The following CARMIL1 variants were observed in gnomAD, a reference collection of about 807,000 sequenced individuals.
The protein encoded by CARMIL1 is capping protein regulator and myosin 1 linker 1.
In CARMIL1, 90 loss-of-function variants were observed where a neutral mutation model predicts 177.1. The observed-to-expected ratio is 0.51, with a 90% CI of 0.43 to 0.61. The LOEUF (loss-of-function observed/expected upper bound fraction) is 0.61. Ranked by LOEUF, CARMIL1 falls within the 20% of genes least tolerant of loss-of-function variation. The pLI, the probability that CARMIL1 is intolerant of heterozygous loss-of-function variation, is 0.00. For missense variants in CARMIL1, 1,380 were observed against 1,667.0 expected, an observed-to-expected ratio of 0.83 and a Z score of 3.00; for synonymous variants, 577 against 606.2, an observed-to-expected ratio of 0.95 and a Z score of 0.71.
chr6:25,416,352 C>A lies in CARMIL1; in HGVS notation c.139-3762C>A, dbSNP rs541461638. ...TAGGAACACCATCTCTGGAACCAGA[C>A]CATCCAGGCTCAAATCCCAACTGCC... On this transcript the variant is annotated intron_variant, in intron 2 of 36. Coordinates refer to ENST00000329474, the MANE Select transcript of CARMIL1 (RefSeq NM_017640.6). 1.6e-4 allele frequency among the ~76,000 whole-genome samples: 25 copies of A among 152,260 alleles called. No individual in the cohort carries two copies. In the South Asian group the frequency reaches 4.6e-3, roughly 28 times the overall value.
intron 4 of CARMIL1, among the ~76,000 whole-genome samples, chr6:25,427,701 C>A (rs1796394456): frequency 6.6e-6 from 1 of 152,164 alleles, no homozygotes; most frequent in Non-Finnish European, 1.5e-5. Context: ...GTAGTCCCTC[C>A]ACATCCTCCC....
At chr6:25,385,214 T>G (rs1792029699) in intron 2 of CARMIL1, among the ~76,000 whole-genome samples, 1 of 152,174 alleles carries the variant, frequency 6.6e-6, no homozygotes, top group Non-Finnish European at 1.5e-5. Flanking sequence ...CAAGGGGAAT[T>G]TCACTATTAT....
intron 2 of CARMIL1, among the ~76,000 whole-genome samples, chr6:25,418,468 C>G (rs1307338315): frequency 6.6e-6 from 1 of 151,988 alleles, no homozygotes; most frequent in African/African-American, 2.4e-5. Context: ...CTCATCCTGG[C>G]CATACTTCAT....
intron 2 of CARMIL1, among the ~76,000 whole-genome samples, chr6:25,300,504 T>G (rs1782771321): frequency 6.8e-6 from 1 of 146,500 alleles, no homozygotes; most frequent in South Asian, 2.1e-4. Flanking sequence ...CTGTCTCTGC[T>G]AAAATATGGA....
intron 16 of CARMIL1, among the ~76,000 whole-genome samples, chr6:25,495,826 A>G (rs911898705): frequency 6.6e-6 from 1 of 152,122 alleles, no homozygotes; most frequent in African/African-American, 2.4e-5. Context: ...ATTTCTGTTG[A>G]CTATTGCCAG....
intron 28 of CARMIL1, 121 bp from the exon 29 acceptor site, chr6:25,556,580 C>T: frequency 1.3e-6 from 1 of 786,132 alleles, no homozygotes; most frequent in Non-Finnish European, 2.0e-6. Flanking sequence ...AAGAATTGTC[C>T]TTGTCACTCG....
intron 29 of CARMIL1, among the ~76,000 whole-genome samples, chr6:25,564,925 C>T (rs1452036175): frequency 6.6e-6 from 1 of 152,084 alleles, no homozygotes; most frequent in African/African-American, 2.4e-5. Flanking sequence ...AAGTGGTGTC[C>T]AGCCCAGCCT....
At chr6:25,293,456 G>C (rs1782144661) in intron 2 of CARMIL1, among the ~76,000 whole-genome samples, 1 of 152,002 alleles carries the variant, frequency 6.6e-6, no homozygotes, top group Admixed American at 6.6e-5. Context: ...TTCAAACACA[G>C]CTCACCGCAG....
At chr6:25,332,751 ACACACACACACACACACACACGCG>A (rs1314460653) in intron 2 of CARMIL1, among the ~76,000 whole-genome samples, 1 of 137,530 alleles carries the variant, frequency 7.3e-6, no homozygotes, top group Non-Finnish European at 1.6e-5. Context: ...ATACACACAC[ACACACACACACACACACACACGCG>A]CACACACACA....
At chr6:25,352,996 C>G (rs1050612864) in intron 2 of CARMIL1, among the ~76,000 whole-genome samples, 2 of 152,126 alleles carry the variant, frequency 1.3e-5, no homozygotes, top group African/African-American at 4.8e-5. Flanking sequence ...GATGGTGTTT[C>G]TGTGTGTCTT....
At chr6:25,587,417 T>G (rs1455052297) in intron 31 of CARMIL1, among the ~76,000 whole-genome samples, 17 of 145,898 alleles carry the variant, frequency 1.2e-4, no homozygotes, top group Non-Finnish European at 2.5e-4. Context: ...GGCTTGTGGG[T>G]TTTTTTTAAA....
chr6:25,390,024 GA>G (rs1441933077), intron 2 of CARMIL1, among the ~76,000 whole-genome samples: 1 of 152,090 alleles, frequency 6.6e-6, no homozygotes, highest in Non-Finnish European at 1.5e-5. Flanking sequence ...TTGCAAAAGT[GA>G]AGTATTGCAA....
At chr6:25,293,299 TG>T (rs1388407268) in intron 2 of CARMIL1, among the ~76,000 whole-genome samples, 1 of 145,874 alleles carries the variant, frequency 6.9e-6, no homozygotes, top group African/African-American at 2.5e-5. Flanking sequence ...TGTGTGTGTG[TG>T]TGTGTTTTGT....
intron 2 of CARMIL1, among the ~76,000 whole-genome samples, chr6:25,296,938 A>T (rs57765324): frequency 0.089 from 1,376 of 15,522 alleles, 12 homozygotes; most frequent in African/African-American, 0.26. Context: ...TCTATCTTTA[A>T]CTAACTAACT....
intron 2 of CARMIL1, among the ~76,000 whole-genome samples, chr6:25,296,515 C>T (rs1782374289): frequency 6.6e-6 from 1 of 152,190 alleles, no homozygotes; most frequent in Non-Finnish European, 1.5e-5. Context: ...TTCTTAGTTA[C>T]CCTGTAGAAC....
At chr6:25,330,688 TAAA>T (rs145205834) in intron 2 of CARMIL1, among the ~76,000 whole-genome samples, 138 of 142,578 alleles carry the variant, frequency 9.7e-4, no homozygotes, top group Middle Eastern at 3.6e-3. Context: ...CCATCTCTAT[TAAA>T]AAAAAAAAAA....
intron 2 of CARMIL1, among the ~76,000 whole-genome samples, chr6:25,299,510 C>T (rs1364978254): frequency 6.6e-6 from 1 of 152,026 alleles, no homozygotes; most frequent in Non-Finnish European, 1.5e-5. Context: ...GCTGGACTCT[C>T]ACCTTCTAAC....
intron 8 of CARMIL1, among the ~76,000 whole-genome samples, chr6:25,456,717 A>C (rs1434653515): frequency 6.6e-6 from 1 of 152,156 alleles, no homozygotes; most frequent in Non-Finnish European, 1.5e-5. Flanking sequence ...CTTTAACTAC[A>C]TCGATTTCTC....
At chr6:25,353,414 T>C in intron 2 of CARMIL1, among the ~76,000 whole-genome samples, 1 of 152,208 alleles carries the variant, frequency 6.6e-6, no homozygotes, top group East Asian at 1.9e-4. Context: ...TTAACAGTGC[T>C]TGTTTTCTGA....
Sources: gnomAD v4.1 joint callset for allele counts (sites outside exome capture counted in the v4.1 genomes callset) on GRCh38, gnomAD v4.1.1 for gene constraint, MANE v1.5 for transcripts, NCBI Gene and HGNC (gene_info 2026-07-23, HGNC 2026-07-21) for gene names.